Variants in PTCHD4 observed in about 807,000 individuals in gnomAD.
PTCHD4 encodes patched domain containing 4.
In PTCHD4, 33 loss-of-function variants were observed where a neutral mutation model predicts 58.1. That is an observed-to-expected ratio of 0.57 (90% CI 0.43 to 0.76). PTCHD4 has a LOEUF of 0.76. Among genes scored for constraint, PTCHD4 ranks in the 30% least tolerant of loss-of-function variants. PTCHD4 has a pLI of 0.00. For synonymous variants in PTCHD4, 478 were observed against 409.6 expected (o/e 1.17, Z -2.02); for missense variants, 1,058 against 1,027.1 (o/e 1.03, Z -0.41).
rs751627565 is a variant in PTCHD4 at position 47,864,480 on chromosome 6, A to T, written c.*13823T>A. ...TCTTCTTGAATGAAAGATTTGGAGAATAAAGGGGTTAATAGATAATTACAT... is the reference window on the plus strand; with the variant it reads ...TCTTCTTGAATGAAAGATTTGGAGATTAAAGGGGTTAATAGATAATTACAT... On this transcript the variant is annotated 3_prime_UTR_variant, in exon 5 of 5. Transcript: ENST00000339488. Among the ~76,000 whole-genome samples, 5 of 151,864 alleles carry T rather than the reference A, an allele frequency of 3.3e-5. No individual in the cohort carries two copies. The highest frequency in any genetic ancestry group is 6.6e-5 in the Admixed American group (1 of 15,222).
intron 3 of PTCHD4, among the ~76,000 whole-genome samples, chr6:48,039,657 GA>G (rs1475262844): frequency 2.0e-5 from 3 of 152,066 alleles, no homozygotes; most frequent in Non-Finnish European, 4.4e-5. Flanking sequence ...TATTACTGTG[GA>G]AAAGGTAGAG....
chr6:47,910,248 T>G (rs74583294), intron 4 of PTCHD4, among the ~76,000 whole-genome samples: 1,874 of 152,250 alleles, frequency 0.012, 42 homozygotes, highest in African/African-American at 0.043. Flanking sequence ...AGAGACACTG[T>G]TTACCTCTTG....
intron 4 of PTCHD4, among the ~76,000 whole-genome samples, chr6:47,886,140 A>G (rs1400589280): frequency 9.9e-5 from 14 of 140,776 alleles, no homozygotes; most frequent in Non-Finnish European, 1.7e-4. Context: ...TTTTTTTCCC[A>G]GAGCAATGTT....
At chr6:47,946,425 G>A (rs1481756623) in intron 4 of PTCHD4, among the ~76,000 whole-genome samples, 1 of 152,034 alleles carries the variant, frequency 6.6e-6, no homozygotes, top group Non-Finnish European at 1.5e-5. Flanking sequence ...GAGCCTTTTT[G>A]TCAACGTGTA....
intron 4 of PTCHD4, among the ~76,000 whole-genome samples, chr6:47,898,704 G>A (rs914947017): frequency 4.6e-5 from 7 of 152,164 alleles, no homozygotes; most frequent in Non-Finnish European, 7.3e-5. Context: ...ACTTGATGTA[G>A]ACGACTTCTA....
In PTCHD4 at chr6:48,002,251, C is replaced by A. The variant is rs1423082518; in HGVS notation, c.898+6383G>T. Among the ~76,000 whole-genome samples, 3 of 152,132 alleles carry A rather than the reference C, an allele frequency of 2.0e-5. No homozygotes were observed. In the East Asian group the frequency reaches 5.8e-4, roughly 29 times the overall value. On this transcript the variant is annotated intron_variant, in intron 4 of 4. Transcript: ENST00000339488. ...AGAAATACCATTTGACCCAGCCATCCCATTAGTGGGTATATACCCAAAGGA... is the reference window on the plus strand; with the variant it reads ...AGAAATACCATTTGACCCAGCCATCACATTAGTGGGTATATACCCAAAGGA...
At chr6:47,969,297 G>A (rs999280000) in intron 4 of PTCHD4, among the ~76,000 whole-genome samples, 1 of 152,158 alleles carries the variant, frequency 6.6e-6, no homozygotes, top group Non-Finnish European at 1.5e-5. Flanking sequence ...CCTGCTTATG[G>A]TGACAGAAAA....
In PTCHD4 at chr6:47,867,397, T is replaced by C. The variant is rs1413703177; in HGVS notation, c.*10906A>G. Among the ~76,000 whole-genome samples the C allele has an allele frequency of 6.6e-6, 1 of 151,754 alleles. No individual in the cohort carries two copies. The highest frequency in any genetic ancestry group is 1.5e-5 in the Non-Finnish European group (1 of 67,828). ...TTTTGGGATCCTTGATTTTAACAGT[T>C]AAAATTCAAAAATAGAGACTGTGTA... On this transcript the variant is annotated 3_prime_UTR_variant, in exon 5 of 5. Coordinates refer to ENST00000339488, the MANE Select transcript of PTCHD4 (RefSeq NM_001384253.1).
chr6:47,948,557 A>G (rs969243491), intron 4 of PTCHD4, among the ~76,000 whole-genome samples: 1 of 152,170 alleles, frequency 6.6e-6, no homozygotes, highest in African/African-American at 2.4e-5. Context: ...ATAAACTTTA[A>G]AATGAGAAAC....
intron 4 of PTCHD4, among the ~76,000 whole-genome samples, chr6:47,952,793 G>C (rs1160610363): frequency 6.6e-6 from 1 of 151,980 alleles, no homozygotes; most frequent in Non-Finnish European, 1.5e-5. Context: ...TAAGTGCACT[G>C]TACGGTGTTT....
chr6:48,001,226 T>G (rs1030100500), intron 4 of PTCHD4, among the ~76,000 whole-genome samples: 1 of 152,162 alleles, frequency 6.6e-6, no homozygotes, highest in Non-Finnish European at 1.5e-5. Flanking sequence ...AAGCTACCAA[T>G]GACTTTCTTC....
intron 1 of PTCHD4, among the ~76,000 whole-genome samples, chr6:48,094,088 T>C (rs867911177): frequency 3.9e-5 from 6 of 152,142 alleles, no homozygotes; most frequent in Admixed American, 2.0e-4. Context: ...TTTCAGAAGA[T>C]TTAGACGAAA....
intron 1 of PTCHD4, among the ~76,000 whole-genome samples, chr6:48,091,551 C>T (rs1261358772): frequency 6.6e-6 from 1 of 152,204 alleles, no homozygotes; most frequent in Non-Finnish European, 1.5e-5. Context: ...CTTTGGACCA[C>T]ACCCAAGGTC....
intron 4 of PTCHD4, among the ~76,000 whole-genome samples, chr6:47,985,460 A>T (rs1768029750): frequency 6.6e-6 from 1 of 152,102 alleles, no homozygotes; most frequent in Admixed American, 6.5e-5. Context: ...AAAGTCATTT[A>T]TATAGACTTA....
At chr6:47,979,617 T>C (rs914872525) in intron 4 of PTCHD4, among the ~76,000 whole-genome samples, 1 of 152,088 alleles carries the variant, frequency 6.6e-6, no homozygotes, top group African/African-American at 2.4e-5. Context: ...GCTGATTATT[T>C]ATTAGCAAGC....
intron 1 of PTCHD4, among the ~76,000 whole-genome samples, chr6:48,076,566 T>A (rs1765067860): frequency 6.6e-6 from 1 of 152,246 alleles, no homozygotes; most frequent in Non-Finnish European, 1.5e-5. Flanking sequence ...GACTGAAGAA[T>A]GGATGATGTA....
intron 3 of PTCHD4, among the ~76,000 whole-genome samples, chr6:48,058,807 G>A (rs914807868): frequency 2.6e-5 from 4 of 152,164 alleles, no homozygotes; most frequent in Non-Finnish European, 4.4e-5. Context: ...GCAAAGAGAG[G>A]TCACATTCCG....
At chr6:48,104,695 T>C (rs1005291467) in intron 1 of PTCHD4, among the ~76,000 whole-genome samples, 1 of 152,106 alleles carries the variant, frequency 6.6e-6, no homozygotes, top group African/African-American at 2.4e-5. Flanking sequence ...GTGTGCTGTA[T>C]TCAGGAAACC....
chr6:48,025,292 GA>G (rs1243174284), intron 3 of PTCHD4, among the ~76,000 whole-genome samples: 5 of 152,044 alleles, frequency 3.3e-5, no homozygotes, highest in African/African-American at 1.2e-4. Flanking sequence ...TACACAGTGG[GA>G]AATGCAAATA....
Sources: allele counts gnomAD v4.1 joint callset (sites outside exome capture counted in the v4.1 genomes callset), GRCh38; gene constraint gnomAD v4.1.1; transcripts MANE v1.5; gene names NCBI Gene and HGNC (gene_info 2026-07-23, HGNC 2026-07-21).